The following KIAA1217 variants were observed in gnomAD, a reference collection of about 807,000 sequenced individuals.
The protein encoded by KIAA1217 is sickle tail protein homolog.
A neutral mutation model predicts 163.9 loss-of-function variants in KIAA1217; 88 were observed. The observed-to-expected ratio is 0.54, with a 90% confidence interval of 0.45 to 0.64. The LOEUF is 0.64. KIAA1217 is among the 30% of genes least tolerant of loss of function. The pLI is 0.00. For synonymous variants in KIAA1217, 903 were observed against 923.1 expected, an observed-to-expected ratio of 0.98 and a Z score of 0.39; for missense variants, 2,372 against 2,475.0, an observed-to-expected ratio of 0.96 and a Z score of 0.88.
chr10:23,782,727 T>A (rs1403091774), intron 1 of KIAA1217, among the ~76,000 whole-genome samples: 1 of 152,158 alleles, frequency 6.6e-6, no homozygotes, highest in Non-Finnish European at 1.5e-5. Context: ...TAACAATTAT[T>A]TTTTTGTATG....
chr10:23,733,975 T>C (rs1838636192), intron 1 of KIAA1217, among the ~76,000 whole-genome samples: 1 of 152,196 alleles, frequency 6.6e-6, no homozygotes, highest in African/African-American at 2.4e-5. Context: ...GATTGTTCCT[T>C]ATCATGATAA....
chr10:24,129,936 C>T (rs1051218723), intron 2 of KIAA1217, among the ~76,000 whole-genome samples: 1 of 152,112 alleles, frequency 6.6e-6, no homozygotes, highest in Non-Finnish European at 1.5e-5. Flanking sequence ...CTGCATGTGT[C>T]TCTGCCCACA....
intron 1 of KIAA1217, among the ~76,000 whole-genome samples, chr10:23,957,155 G>T (rs904844674): frequency 6.6e-6 from 1 of 152,100 alleles, no homozygotes; most frequent in African/African-American, 2.4e-5. Context: ...GCTGCTCTAA[G>T]CAGAACAACG....
chr10:23,862,345 A>G (rs1198045424), intron 1 of KIAA1217, among the ~76,000 whole-genome samples: 1 of 152,206 alleles, frequency 6.6e-6, no homozygotes, highest in Non-Finnish European at 1.5e-5. Context: ...GTTAAATTTT[A>G]AAATAAAGAA....
intron 2 of KIAA1217, among the ~76,000 whole-genome samples, chr10:24,310,246 A>G (rs1417509236): frequency 6.6e-6 from 1 of 152,222 alleles, no homozygotes; most frequent in East Asian, 1.9e-4. Flanking sequence ...TTTACCAGGC[A>G]CCAGGTAGCG....
intron 1 of KIAA1217, among the ~76,000 whole-genome samples, chr10:23,709,368 T>A (rs552226670): frequency 7.1e-6 from 1 of 141,606 alleles, no homozygotes; most frequent in African/African-American, 3.1e-5. Flanking sequence ...TATAAAATAG[T>A]TTTTTAAAAA....
chr10:24,355,543 C>T (rs1456125771), intron 2 of KIAA1217, among the ~76,000 whole-genome samples: 2 of 151,696 alleles, frequency 1.3e-5, no homozygotes, highest in Non-Finnish European at 2.9e-5. Flanking sequence ...CTCTTGTGAC[C>T]AAATCACACC....
intron 2 of KIAA1217, among the ~76,000 whole-genome samples, chr10:24,030,133 T>G (rs1848130680): frequency 6.6e-6 from 1 of 152,190 alleles, no homozygotes; most frequent in Non-Finnish European, 1.5e-5. Flanking sequence ...TAATTTATCA[T>G]TGTGATAAAA....
At chr10:24,469,298 A>AT (rs201407801) in intron 5 of KIAA1217, among the ~76,000 whole-genome samples, 14,867 of 151,452 alleles carry the variant, frequency 0.098, 724 homozygotes, top group South Asian at 0.12. Context: ...TAATTTTTGT[A>AT]TTTTTTTATA....
intron 2 of KIAA1217, among the ~76,000 whole-genome samples, chr10:24,361,559 C>A (rs2050001866): frequency 6.6e-6 from 1 of 152,180 alleles, no homozygotes; most frequent in East Asian, 1.9e-4. Context: ...TACATGATAG[C>A]TACTTCATCA....
chr10:23,884,000 A>G (rs188925753), intron 1 of KIAA1217, among the ~76,000 whole-genome samples: 1 of 152,108 alleles, frequency 6.6e-6, no homozygotes, highest in Admixed American at 6.6e-5. Context: ...TAGTTGATCC[A>G]TTCGCCTACT....
chr10:23,911,801 T>A (rs1019039914), intron 1 of KIAA1217, among the ~76,000 whole-genome samples: 1 of 152,148 alleles, frequency 6.6e-6, no homozygotes, highest in African/African-American at 2.4e-5. Flanking sequence ...TCCTTCTGTA[T>A]GGAGCGGTGC....
rs1214982206 is a variant in KIAA1217 at position 24,473,977 on chromosome 10, C to T, written c.1596C>T (p.Ser532=). 6.2e-7 allele frequency: 1 copy of T among 1,614,114 alleles called. No individual in the cohort carries two copies. Among genetic ancestry groups the T allele is most frequent in the East Asian group, 2.2e-5 (1 of 44,862 alleles). ...CACGGAGCGCTGCAGGATTATCCAG[C>T]CTTGTAGACCTCGGCCCTCCTCTAA... ...EKPRSAAGLS[S]LVDLGPPLME... Residue 532 remains serine (S), a synonymous_variant, in exon 6 of 21, where the codon AGC becomes AGT. Coordinates refer to ENST00000376454, the MANE Select transcript of KIAA1217 (RefSeq NM_019590.5).
intron 1 of KIAA1217, among the ~76,000 whole-genome samples, chr10:23,997,480 T>C (rs761410223): frequency 2.6e-5 from 4 of 152,230 alleles, no homozygotes; most frequent in Non-Finnish European, 5.9e-5. Flanking sequence ...ATGTAAGTTG[T>C]TCTCCCATGT....
At chr10:24,149,549 T>C (rs2064504040) in intron 2 of KIAA1217, among the ~76,000 whole-genome samples, 1 of 151,914 alleles carries the variant, frequency 6.6e-6, no homozygotes, top group African/African-American at 2.4e-5. Context: ...ATGTTGTGTG[T>C]GTGCATCTGA....
chr10:23,917,507 G>T (rs117873960), intron 1 of KIAA1217, among the ~76,000 whole-genome samples: 1 of 152,336 alleles, frequency 6.6e-6, no homozygotes, highest in East Asian at 1.9e-4. Context: ...GGGAGCAGCG[G>T]CCACAGAGGA....
At chr10:24,283,549 C>T (rs949738492) in intron 2 of KIAA1217, among the ~76,000 whole-genome samples, 1 of 152,086 alleles carries the variant, frequency 6.6e-6, no homozygotes, top group East Asian at 1.9e-4. Flanking sequence ...TGCCTGTAGT[C>T]CCAGCTACTC....
At chr10:24,366,712 C>T (rs1344417134) in intron 2 of KIAA1217, among the ~76,000 whole-genome samples, 1 of 152,164 alleles carries the variant, frequency 6.6e-6, no homozygotes, top group African/African-American at 2.4e-5. Flanking sequence ...GGCCAGTGAG[C>T]CCGGGGCCAG....
intron 1 of KIAA1217, among the ~76,000 whole-genome samples, chr10:23,872,411 AC>A (rs1390998240): frequency 6.6e-6 from 1 of 152,034 alleles, no homozygotes; most frequent in East Asian, 1.9e-4. Context: ...AAACAAACTA[AC>A]AAAAAACAGC....
Sources: allele counts gnomAD v4.1 joint callset (sites outside exome capture counted in the v4.1 genomes callset), GRCh38; gene constraint gnomAD v4.1.1; transcripts MANE v1.5; gene names NCBI Gene and HGNC (gene_info 2026-07-23, HGNC 2026-07-21).